Variants in CDH13 observed in about 807,000 individuals in gnomAD.
The protein encoded by CDH13 is cadherin-13.
Under a neutral mutation model 63.8 loss-of-function variants are expected in CDH13, and 24 were observed. The ratio of observed to expected loss-of-function variants is 0.38; its 90% CI spans 0.27 to 0.53. CDH13 has a LOEUF of 0.53. Ranked by LOEUF, CDH13 falls within the 20% of genes least tolerant of loss-of-function variation. The pLI, the probability that CDH13 is intolerant of heterozygous loss-of-function variation, is 0.85. For missense variants in CDH13, 1,049 were observed against 903.1 expected (o/e 1.16, Z -2.07); for synonymous variants, 503 against 355.3 (o/e 1.42, Z -4.67).
At chr16:82,905,590 C>G (rs991975795) in intron 2 of CDH13, among the ~76,000 whole-genome samples, 1 of 152,148 alleles carries the variant, frequency 6.6e-6, no homozygotes. Flanking sequence ...TTAACCAGTA[C>G]TGTCTCATAC....
chr16:83,576,224 C>T (rs1905078212), intron 7 of CDH13, among the ~76,000 whole-genome samples: 1 of 152,222 alleles, frequency 6.6e-6, no homozygotes, highest in Non-Finnish European at 1.5e-5. Flanking sequence ...TGGATTTATC[C>T]ATTCTGGACC....
At chr16:82,834,266 G>T (rs533949612) in intron 1 of CDH13, among the ~76,000 whole-genome samples, 77 of 152,290 alleles carry the variant, frequency 5.1e-4, no homozygotes, top group Non-Finnish European at 9.0e-4. Context: ...GCCTGCATTA[G>T]ATGGCTGAGC....
chr16:82,932,666 C>A (rs115410958), intron 2 of CDH13, among the ~76,000 whole-genome samples: 1 of 152,274 alleles, frequency 6.6e-6, no homozygotes, highest in African/African-American at 2.4e-5. Flanking sequence ...AGTATTTAAT[C>A]CCTTAGCATA....
chr16:82,671,614 C>G (rs1278161636), intron 1 of CDH13, among the ~76,000 whole-genome samples: 2 of 152,170 alleles, frequency 1.3e-5, no homozygotes, highest in Non-Finnish European at 2.9e-5. Flanking sequence ...TTTGTGGTCA[C>G]TGAAAGAGCA....
chr16:82,769,929 T>C (rs1223934251), intron 1 of CDH13, among the ~76,000 whole-genome samples: 1 of 152,246 alleles, frequency 6.6e-6, no homozygotes. Flanking sequence ...CATGAATGCA[T>C]GGTGCATACG....
chr16:83,482,935 A>G (rs572413792), intron 6 of CDH13, among the ~76,000 whole-genome samples: 3 of 152,336 alleles, frequency 2.0e-5, no homozygotes, highest in Admixed American at 1.3e-4. Context: ...CTGCACTGCC[A>G]TAATTGGCTC....
intron 4 of CDH13, among the ~76,000 whole-genome samples, chr16:83,134,544 GGAGAGAGAGA>G (rs67135267): frequency 0.062 from 5,196 of 84,184 alleles, 189 homozygotes; most frequent in Middle Eastern, 0.18. Context: ...TGGGGTGGGG[GGAGAGAGAGA>G]GAGAGAGAGA....
intron 1 of CDH13, among the ~76,000 whole-genome samples, chr16:82,686,089 C>T (rs1168702714): frequency 2.0e-5 from 3 of 152,192 alleles, no homozygotes; most frequent in East Asian, 3.9e-4. Flanking sequence ...AGCTCCACTT[C>T]CACACCCTTC....
At chr16:83,018,403 G>A (rs1371400234) in intron 2 of CDH13, among the ~76,000 whole-genome samples, 3 of 152,104 alleles carry the variant, frequency 2.0e-5, no homozygotes, top group Non-Finnish European at 4.4e-5. Context: ...GTTTTTAATG[G>A]GTTAATGGAT....
chr16:83,010,097 T>G lies in CDH13; in HGVS notation c.158-21913T>G, dbSNP rs377313712. On this transcript the variant is annotated intron_variant, in intron 2 of 13. Transcript: ENST00000567109. ...TTGCAGTGAGCTGAGATCACACCAT[T>G]GCACTCCAGGCTGGGCAACAAGAGC... 3.1e-5 allele frequency among the ~76,000 whole-genome samples: 4 copies of G among 128,076 alleles called. No homozygotes were observed. In the East Asian group the frequency reaches 9.6e-4, roughly 31 times the overall value. The allele number at this position is 128,076 out of a possible 152,430, so 84.0% of individuals were successfully genotyped here. A position where few individuals can be genotyped will look rare whatever the true frequency, so the allele number is the denominator to read the frequency against.
chr16:83,116,721 T>A (rs774821990), intron 3 of CDH13, among the ~76,000 whole-genome samples: 1 of 152,232 alleles, frequency 6.6e-6, no homozygotes, highest in Non-Finnish European at 1.5e-5. Flanking sequence ...TCTGTAAATT[T>A]CCTAACAATC....
chr16:83,509,590 G>A (rs963599108), intron 7 of CDH13, among the ~76,000 whole-genome samples: 9 of 152,174 alleles, frequency 5.9e-5, no homozygotes, highest in African/African-American at 1.9e-4. Context: ...TTTAAAGAGT[G>A]GGAAGTAGAT....
chr16:83,671,173 C>T (rs999038557), intron 9 of CDH13, among the ~76,000 whole-genome samples: 1 of 152,144 alleles, frequency 6.6e-6, no homozygotes, highest in Non-Finnish European at 1.5e-5. Context: ...ATAAAACAAA[C>T]CTGTTTTATA....
intron 1 of CDH13, among the ~76,000 whole-genome samples, chr16:82,682,898 AAC>A (rs1385623551): frequency 7.2e-5 from 11 of 152,256 alleles, no homozygotes; most frequent in East Asian, 1.9e-4. Context: ...GGGAGCAGAA[AAC>A]ACACAGCCAT....
chr16:82,874,203 G>T (rs552027294), intron 2 of CDH13, among the ~76,000 whole-genome samples: 36 of 152,120 alleles, frequency 2.4e-4, no homozygotes, highest in Admixed American at 5.2e-4. Flanking sequence ...GTTCAGGTTG[G>T]GTTTTGCTGC....
chr16:83,796,727 G>C lies in CDH13; in HGVS notation c.*1697G>C, dbSNP rs2151025457. 6.6e-6 allele frequency: 1 copy of C among 152,254 alleles called. No individual in the cohort carries two copies. The highest frequency in any genetic ancestry group is 2.4e-5 in the African/African-American group (1 of 41,540). The allele number at this position is 152,254 out of a possible 1,614,324, so 9.4% of individuals were successfully genotyped here. A position where few individuals can be genotyped will look rare whatever the true frequency, so the allele number is the denominator to read the frequency against. ...CGTCGTACATCTCTGGTTGGTGAGTGAGTCTATGAAGACAGAAGTACCAGT... is the reference window on the plus strand; with the variant it reads ...CGTCGTACATCTCTGGTTGGTGAGTCAGTCTATGAAGACAGAAGTACCAGT... On this transcript the variant is annotated 3_prime_UTR_variant, in exon 14 of 14. Coordinates refer to ENST00000567109, the MANE Select transcript of CDH13 (RefSeq NM_001257.5).
intron 2 of CDH13, among the ~76,000 whole-genome samples, chr16:82,890,118 ACAC>A (rs1325083945): frequency 6.6e-6 from 1 of 152,220 alleles, no homozygotes; most frequent in Non-Finnish European, 1.5e-5. Context: ...GATTCTAGAG[ACAC>A]CAATCAGTTG....
chr16:83,252,779 T>A (rs1905737552), intron 5 of CDH13, among the ~76,000 whole-genome samples: 1 of 152,050 alleles, frequency 6.6e-6, no homozygotes, highest in African/African-American at 2.4e-5. Flanking sequence ...ATCCTACCGT[T>A]CACAGCACAG....
intron 1 of CDH13, among the ~76,000 whole-genome samples, chr16:82,717,949 A>G (rs907110648): frequency 6.6e-6 from 1 of 152,216 alleles, no homozygotes; most frequent in Non-Finnish European, 1.5e-5. Flanking sequence ...ATAAGATACT[A>G]CTGCGAATGT....
Sources: allele counts gnomAD v4.1 joint callset (sites outside exome capture counted in the v4.1 genomes callset), GRCh38; gene constraint gnomAD v4.1.1; transcripts MANE v1.5; gene names NCBI Gene and HGNC (gene_info 2026-07-23, HGNC 2026-07-21).